Variants in PDXDC1 observed in about 807,000 individuals in gnomAD.
The protein encoded by PDXDC1 is pyridoxal dependent decarboxylase domain containing 1, also known as pyridoxal-dependent decarboxylase domain-containing protein 1.
PDXDC1 carries 42 observed loss-of-function variants against 100.1 expected under a neutral mutation model. That is an observed-to-expected ratio of 0.42 (90% CI 0.33 to 0.54). The LOEUF (loss-of-function observed/expected upper bound fraction) is 0.54, where lower values mean the gene tolerates loss of function less well. Ranked by LOEUF, PDXDC1 falls within the 20% of genes least tolerant of loss-of-function variation. The pLI, the probability that PDXDC1 is intolerant of heterozygous loss-of-function variation, is 0.10. For missense variants in PDXDC1, 636 were observed against 979.2 expected (o/e 0.65, Z 4.68); for synonymous variants, 260 against 371.7 (o/e 0.70, Z 3.46).
At chr16:15,067,972 C>A (rs1310043954) in intron 16 of PDXDC1, among the ~76,000 whole-genome samples, 1 of 151,794 alleles carries the variant, frequency 6.6e-6, no homozygotes. Flanking sequence ...GTTGCTCAGG[C>A]TGGTCTTTTA....
In PDXDC1 at chr16:15,032,934, C is replaced by G. The variant is rs746800848; in HGVS notation, c.1645C>G (p.Leu549Val). The G allele has an allele frequency of 6.8e-6, 11 of 1,611,406 alleles. No homozygotes were observed. Among genetic ancestry groups the G allele is most frequent in the East Asian group, 2.2e-5 (1 of 44,880 alleles). Residue 549 changes from leucine to valine, a missense_variant, in exon 18 of 23, where the codon CTG becomes GTG. Physicochemically the swap from Leu to Val is conservative, Grantham distance 32. Coordinates refer to ENST00000396410, the MANE Select transcript of PDXDC1 (RefSeq NM_015027.4). ...AGGGGAAAACATCCATGCTGGACTC[C>G]TGAAGAAGTTAAATGAACTGGAATC... ...PEGENIHAGL[L>V]KKLNELESDL...
In PDXDC1 at chr16:15,038,158, C is replaced by CTAA; in HGVS notation, c.*1886_*1888dup. On this transcript the variant is annotated 3_prime_UTR_variant, in exon 23 of 23. Transcript: ENST00000396410. The stretch of plus-strand genomic sequence containing the variant: ...TTTTTTTAAAAACATCAAGGTAGAT[C>CTAA]TAATATGTTCAACAAAGTGGGGTGG... 6.2e-7 allele frequency: 1 copy of CTAA among 1,613,336 alleles called. No individual in the cohort carries two copies. The highest frequency in any genetic ancestry group is 2.2e-5 in the East Asian group (1 of 44,860).
At chr16:15,124,111 A>G (rs1192339102) in intron 16 of PDXDC1, among the ~76,000 whole-genome samples, 5 of 152,232 alleles carry the variant, frequency 3.3e-5, no homozygotes, top group Non-Finnish European at 7.3e-5. Flanking sequence ...AACAAAGTTC[A>G]TCAGCTTCTC....
At chr16:15,088,521 G>A (rs1333592134) in intron 16 of PDXDC1, among the ~76,000 whole-genome samples, 1 of 151,982 alleles carries the variant, frequency 6.6e-6, no homozygotes, top group South Asian at 2.1e-4. Context: ...GCAATTCTTG[G>A]TATGTCAAAA....
intron 16 of PDXDC1, among the ~76,000 whole-genome samples, chr16:15,069,128 T>G (rs1045266314): frequency 2.0e-5 from 3 of 152,136 alleles, no homozygotes; most frequent in East Asian, 1.9e-4. Context: ...ACATACAACT[T>G]TCAGTTTAGA....
chr16:15,094,392 G>A, intron 16 of PDXDC1: 1 of 664,626 alleles, frequency 1.5e-6, no homozygotes, highest in Non-Finnish European at 2.6e-6. Flanking sequence ...GAGCGCCGCT[G>A]AAACCCGCTC....
At chr16:15,044,741 T>C in intron 16 of PDXDC1, 1 of 287,714 alleles carries the variant, frequency 3.5e-6, no homozygotes, top group East Asian at 7.3e-5. Flanking sequence ...CCTAGCACTT[T>C]GGGAGGCTGA....
intron 16 of PDXDC1, among the ~76,000 whole-genome samples, chr16:15,062,915 T>C (rs2044771689): frequency 6.6e-6 from 1 of 152,214 alleles, no homozygotes; most frequent in African/African-American, 2.4e-5. Flanking sequence ...CAGGATGAAG[T>C]GCCATGCTGC....
In PDXDC1 at chr16:15,013,841, C is replaced by G. The variant is rs1276103411; in HGVS notation, c.728-2288C>G. Among the ~76,000 whole-genome samples the G allele has an allele frequency of 3.4e-5, 5 of 146,474 alleles. No homozygotes were observed. The East Asian group carries it at 1.0e-3, about 30-fold the overall frequency. ...AGTGAGCCAAGATCGCACCACCGCA[C>G]TGTAGCCTGGGCGACAGAAAGGGTC... On this transcript the variant is annotated intron_variant, in intron 8 of 22. Transcript: ENST00000396410.
intron 16 of PDXDC1, among the ~76,000 whole-genome samples, chr16:15,071,737 C>T (rs2045239602): frequency 6.6e-6 from 1 of 152,180 alleles, no homozygotes; most frequent in Non-Finnish European, 1.5e-5. Flanking sequence ...CACTACACTC[C>T]AGCCTGGGTG....
Position 14,988,339 on chromosome 16 carries a change from G to T in PDXDC1, c.22-9414G>T, listed in dbSNP as rs1395368453. 1.1e-5 allele frequency: 17 copies of T among 1,614,012 alleles called. No homozygotes were observed. The African/African-American group carries it at 1.5e-4, about 14-fold the overall frequency. On this transcript the variant is annotated intron_variant, in intron 1 of 22. Coordinates refer to ENST00000396410, the MANE Select transcript of PDXDC1 (RefSeq NM_015027.4). ...TACTCGTTGTAGATGAGCTTGAAGA[G>T]GAAGAGGTGGAAGAGGGTGATGAGG...
intron 16 of PDXDC1, chr16:15,128,334 G>A (rs752401588): frequency 3.1e-6 from 5 of 1,609,546 alleles, no homozygotes; most frequent in South Asian, 1.1e-5. Flanking sequence ...CCAGGTGCCG[G>A]TGGCCGCTCC....
chr16:14,993,420 G>A (rs1971296245), intron 1 of PDXDC1, among the ~76,000 whole-genome samples: 1 of 152,212 alleles, frequency 6.6e-6, no homozygotes, highest in Admixed American at 6.5e-5. Context: ...GAGATAGTTT[G>A]CTGAGAATGA....
At chr16:15,088,670 G>A (rs974545531) in intron 16 of PDXDC1, among the ~76,000 whole-genome samples, 1 of 152,090 alleles carries the variant, frequency 6.6e-6, no homozygotes, top group Admixed American at 6.6e-5. Context: ...CAGTAACACA[G>A]TTGAGTCTTT....
chr16:14,978,958 A>G (rs1157099514), intron 1 of PDXDC1, among the ~76,000 whole-genome samples: 1 of 152,284 alleles, frequency 6.6e-6, no homozygotes, highest in African/African-American at 2.4e-5. Flanking sequence ...AGTAGATGCT[A>G]GTCGCACTCC....
intron 16 of PDXDC1, chr16:15,125,919 G>T (rs1174956575): frequency 3.1e-6 from 2 of 654,282 alleles, no homozygotes; most frequent in African/African-American, 1.8e-5. Context: ...CTGACAGAAT[G>T]TCCTAGAATG....
At chr16:15,086,235 A>G in intron 16 of PDXDC1, 1 of 1,584,236 alleles carries the variant, frequency 6.3e-7, no homozygotes, top group Non-Finnish European at 8.6e-7. Flanking sequence ...CTACTGTTTG[A>G]CTTCTATTCA....
intron 16 of PDXDC1, chr16:15,135,641 G>T (rs536605500): frequency 6.3e-7 from 1 of 1,581,546 alleles, no homozygotes; most frequent in Non-Finnish European, 8.6e-7. Flanking sequence ...GCCCTGCCAC[G>T]CACTGACCTG....
rs565483124 is a variant in PDXDC1 at position 15,130,619 on chromosome 16, G to C, written c.1400-8260G>C. 97 of 1,366,044 alleles carry C rather than the reference G, an allele frequency of 7.1e-5. No individual in the cohort carries two copies. In the African/African-American group the frequency reaches 1.2e-3, roughly 17 times the overall value. 84.6% of individuals were successfully genotyped at this position (1,366,044 alleles called of 1,614,324 possible). A position where few individuals can be genotyped will look rare whatever the true frequency, so the allele number is the denominator to read the frequency against. On this transcript the variant is annotated intron_variant, in intron 16 of 16. Transcript: ENST00000535621. ...ATGCCCTGCCCTGCCCTGCCAGGCC[G>C]GCCCGCAGAGCTCACCCCGGGGAAA...
Sources: gnomAD v4.1 joint callset for allele counts (sites outside exome capture counted in the v4.1 genomes callset) on GRCh38, gnomAD v4.1.1 for gene constraint, MANE v1.5 for transcripts, NCBI Gene and HGNC (gene_info 2026-07-23, HGNC 2026-07-21) for gene names.